Variants in NDUFA8 observed in about 807,000 individuals in gnomAD.
NDUFA8 encodes the protein NADH:ubiquinone oxidoreductase subunit A8, also known as NADH dehydrogenase [ubiquinone] 1 alpha subcomplex subunit 8.
NDUFA8 carries 16 observed loss-of-function variants against 20.9 expected under a neutral mutation model. That is an observed-to-expected ratio of 0.77 (90% CI 0.52 to 1.16). The LOEUF (loss-of-function observed/expected upper bound fraction) is 1.16, where lower values mean the gene tolerates loss of function less well. NDUFA8 is among the 50% of genes most tolerant of loss of function. The pLI, the probability that NDUFA8 is intolerant of heterozygous loss-of-function variation, is 0.00. For missense variants in NDUFA8, 202 were observed against 216.4 expected (o/e 0.93, Z 0.42); for synonymous variants, 70 against 76.1 (o/e 0.92, Z 0.41).
Position 122,144,143 on chromosome 9 carries a change from T to A in NDUFA8, c.*98A>T. 6.3e-7 allele frequency: 1 copy of A among 1,598,288 alleles called. No homozygotes were observed. Among genetic ancestry groups the A allele is most frequent in the East Asian group, 2.2e-5 (1 of 44,538 alleles). ...TTAACTTTTTTGTTAATGTTTGTGA[T>A]CCCGGAAAGAACACACTATCAGTCG... On this transcript the variant is annotated 3_prime_UTR_variant, in exon 4 of 4. Coordinates refer to ENST00000373768, the MANE Select transcript of NDUFA8 (RefSeq NM_014222.3).
rs751620762 is a variant in NDUFA8 at position 122,159,690 on chromosome 9, C to T, written c.-13G>A. The T allele has an allele frequency of 1.9e-6, 3 of 1,614,012 alleles. No individual in the cohort carries two copies. Among genetic ancestry groups the T allele is most frequent in the African/African-American group, 1.3e-5 (1 of 74,946 alleles). ...CTATCCCCGGCATGACGGCTGCAGC[C>T]CCGACCCCGACGAGAAGCCCTCAGC... On this transcript the variant is annotated 5_prime_UTR_variant, in exon 1 of 4. Coordinates refer to ENST00000373768, the MANE Select transcript of NDUFA8 (RefSeq NM_014222.3).
intron 3 of NDUFA8, among the ~76,000 whole-genome samples, chr9:122,144,683 T>A (rs1176893675): frequency 1.3e-5 from 2 of 152,194 alleles, no homozygotes; most frequent in Admixed American, 6.5e-5. Context: ...CAAATCACCC[T>A]GATGGCTAAT....
At chr9:122,153,525 T>C (rs1472041091) in intron 1 of NDUFA8, among the ~76,000 whole-genome samples, 1 of 152,138 alleles carries the variant, frequency 6.6e-6, no homozygotes. Context: ...CAATAGTATT[T>C]TAGTGATATT....
intron 1 of NDUFA8, among the ~76,000 whole-genome samples, chr9:122,153,017 C>A (rs1017519035): frequency 1.3e-5 from 2 of 152,044 alleles, no homozygotes; most frequent in Admixed American, 1.3e-4. Context: ...GTAATCCCAG[C>A]ACTTTGGGAG....
the NDUFA8 span, among the ~76,000 whole-genome samples, chr9:122,138,669 G>A: frequency 6.6e-6 from 1 of 152,194 alleles, no homozygotes; most frequent in Admixed American, 6.5e-5. Flanking sequence ...GCTGTTACAT[G>A]AAGGAGAAGA....
At chr9:122,137,700 C>A in the NDUFA8 span, among the ~76,000 whole-genome samples, 1 of 152,300 alleles carries the variant, frequency 6.6e-6, no homozygotes, top group African/African-American at 2.4e-5. Flanking sequence ...GTGATTAGGT[C>A]TATTTCAAGA....
chr9:122,140,024 G>A (rs1828798573), downstream of NDUFA8, among the ~76,000 whole-genome samples: 2 of 152,320 alleles, frequency 1.3e-5, no homozygotes, highest in Admixed American at 1.3e-4. Context: ...CTCTGGGGGT[G>A]AGATCCAGAC....
At chr9:122,158,651 TTG>T (rs372354228) in intron 1 of NDUFA8, among the ~76,000 whole-genome samples, 11 of 150,014 alleles carry the variant, frequency 7.3e-5, no homozygotes, top group East Asian at 2.0e-4. Context: ...CTACGACCAA[TTG>T]TGTGTGTGTG....
intron 3 of NDUFA8, 144 bp from the exon 4 acceptor site, chr9:122,144,522 A>G: frequency 1.2e-6 from 1 of 814,730 alleles, no homozygotes. Flanking sequence ...TCACATTCAG[A>G]CGTATTTAAT....
intron 1 of NDUFA8, among the ~76,000 whole-genome samples, chr9:122,154,020 G>A (rs1829041327): frequency 6.6e-6 from 1 of 152,134 alleles, no homozygotes; most frequent in Non-Finnish European, 1.5e-5. Flanking sequence ...CACAGTTTCT[G>A]TGTTAAGCAC....
chr9:122,147,617 A>ATTTTTTTTTTTTTTT (rs34576446), intron 3 of NDUFA8, among the ~76,000 whole-genome samples: 1 of 106,762 alleles, frequency 9.4e-6, no homozygotes, highest in Admixed American at 1.2e-4. Context: ...GCCTAAAGAA[A>ATTTTTTTTTTTTTTT]TTTTTTTTTT....
the NDUFA8 span, among the ~76,000 whole-genome samples, chr9:122,137,862 T>TTGCCAAGGCCACA: frequency 6.6e-6 from 1 of 152,232 alleles, no homozygotes; most frequent in Non-Finnish European, 1.5e-5. Flanking sequence ...GGAAAGTGGC[T>TTGCCAAGGCCACA]TGCCAAGGCC....
intron 1 of NDUFA8, among the ~76,000 whole-genome samples, chr9:122,153,832 G>A (rs1264972764): frequency 6.6e-6 from 1 of 152,110 alleles, no homozygotes; most frequent in Non-Finnish European, 1.5e-5. Context: ...GTTAAATTAG[G>A]GAACAATGGG....
Position 122,152,344 on chromosome 9 carries a change from G to A in NDUFA8, c.116C>T (p.Pro39Leu). 6.2e-7 allele frequency: 1 copy of A among 1,613,934 alleles called. No homozygotes were observed. ...AHHYGAQCDKPNKEFMLCRWE... is the reference protein window; with the variant it reads ...AHHYGAQCDKLNKEFMLCRWE... ...GCGGCAGAGCATAAACTCCTTGTTG[G>A]GCTTATCACATTGAGCTCCATAGTG... The change falls in exon 2 of 4, where the codon CCC becomes CTC. Residue 39 changes from proline to leucine, a missense_variant. Physicochemically the swap from Pro to Leu is moderately conservative, Grantham distance 98. Transcript: ENST00000373768.
At chr9:122,138,642 G>C in the NDUFA8 span, among the ~76,000 whole-genome samples, 2 of 152,174 alleles carry the variant, frequency 1.3e-5, no homozygotes, top group Non-Finnish European at 2.9e-5. Flanking sequence ...ACAGTTATCA[G>C]GCACTATGTG....
rs755132953 is a variant in NDUFA8 at position 122,159,697 on chromosome 9, C to T, written c.-20G>A. The T allele has an allele frequency of 4.3e-6, 7 of 1,614,124 alleles. No homozygotes were observed. In the Admixed American group the frequency reaches 1.2e-4, roughly 27 times the overall value. ...CGGCATGACGGCTGCAGCCCCGACC[C>T]CGACGAGAAGCCCTCAGCCGCGTCG... On this transcript the variant is annotated 5_prime_UTR_variant, in exon 1 of 4. Transcript: ENST00000373768.
the NDUFA8 span, among the ~76,000 whole-genome samples, chr9:122,134,000 C>A: frequency 6.6e-6 from 1 of 152,192 alleles, no homozygotes; most frequent in South Asian, 2.1e-4. Context: ...TGTGTTTCTG[C>A]GGGCAGGCCA....
At chr9:122,148,076 A>G (rs2118702096) in intron 3 of NDUFA8, 36 bp downstream of exon 3, 1 of 1,613,184 alleles carries the variant, frequency 6.2e-7, no homozygotes, top group Non-Finnish European at 8.5e-7. Context: ...CCACCCCTGA[A>G]TCAGAAAGTG....
At chr9:122,133,038 A>T in the NDUFA8 span, 1 of 455,908 alleles carries the variant, frequency 2.2e-6, no homozygotes, top group African/African-American at 2.0e-5. Context: ...CCATGGTTCC[A>T]TCTAATCCTC....
Sources: gnomAD v4.1 joint callset for allele counts (sites outside exome capture counted in the v4.1 genomes callset) on GRCh38, gnomAD v4.1.1 for gene constraint, MANE v1.5 for transcripts, NCBI Gene and HGNC (gene_info 2026-07-23, HGNC 2026-07-21) for gene names.